The following ANGPT1 variants were observed in gnomAD, a reference collection of about 807,000 sequenced individuals.
ANGPT1 encodes angiopoietin-1.
ANGPT1 carries 17 observed loss-of-function variants against 62.2 expected under a neutral mutation model. That is an observed-to-expected ratio of 0.27 (90% CI 0.19 to 0.41). The LOEUF is 0.41. Among genes scored for constraint, ANGPT1 ranks in the 10% least tolerant of loss-of-function variants. The pLI, the probability that ANGPT1 is intolerant of heterozygous loss-of-function variation, is 1.00. For missense variants in ANGPT1, 478 were observed against 594.9 expected (o/e 0.80, Z 2.04); for synonymous variants, 199 against 198.9 (o/e 1.00, Z 0.00).
At chr8:107,339,977 T>G (rs908602859) in intron 2 of ANGPT1, among the ~76,000 whole-genome samples, 1 of 152,180 alleles carries the variant, frequency 6.6e-6, no homozygotes, top group Admixed American at 6.5e-5. Context: ...CAATCCCTCC[T>G]CTTCTTTCCC....
intron 6 of ANGPT1, 146 bp from the exon 7 acceptor site, chr8:107,284,994 T>C (rs1056498761): frequency 1.6e-5 from 9 of 567,782 alleles, no homozygotes; most frequent in Admixed American, 7.8e-5. Context: ...TCTCCAGTGA[T>C]TGACATTTCA....
intron 1 of ANGPT1, among the ~76,000 whole-genome samples, chr8:107,408,174 C>T (rs1817188435): frequency 6.6e-6 from 1 of 152,136 alleles, no homozygotes; most frequent in Non-Finnish European, 1.5e-5. Flanking sequence ...TGTGGTATTA[C>T]AATAACAATA....
At chr8:107,356,473 G>A (rs918890723) in intron 1 of ANGPT1, among the ~76,000 whole-genome samples, 1 of 152,146 alleles carries the variant, frequency 6.6e-6, no homozygotes, top group Non-Finnish European at 1.5e-5. Context: ...CTCAACGAGA[G>A]AATCTAATAA....
At position 107,370,365 on chromosome 8, in the gene ANGPT1, AAAG is replaced by A. The variant is rs1563590981; in HGVS notation, c.298-23271_298-23269del. Among the ~76,000 whole-genome samples the A allele has an allele frequency of 2.5e-4, 8 of 32,574 alleles. 3 individuals carry two copies. Among genetic ancestry groups the A allele is most frequent in the Non-Finnish European group, 6.9e-4 (6 of 8,652 alleles). The allele number at this position is 32,574 out of a possible 152,430, so 21.4% of individuals were successfully genotyped here. On this transcript the variant is annotated intron_variant, in intron 1 of 8. Coordinates refer to ENST00000517746, the MANE Select transcript of ANGPT1 (RefSeq NM_001146.5). ...AAAAGAAAGAAAGAAAGAAAGAAAG[AAAG>A]AAAGAAAGAAAGAAAGAAAGAAAGA...
intron 3 of ANGPT1, among the ~76,000 whole-genome samples, chr8:107,323,036 A>G (rs1815192912): frequency 6.6e-6 from 1 of 151,990 alleles, no homozygotes; most frequent in African/African-American, 2.4e-5. Flanking sequence ...CAAAAGGAAG[A>G]CTCCCTTTGG....
chr8:107,384,905 G>T (rs1182317663), intron 1 of ANGPT1, among the ~76,000 whole-genome samples: 3 of 152,036 alleles, frequency 2.0e-5, no homozygotes, highest in South Asian at 2.1e-4. Context: ...GTTTTTGTTG[G>T]TTTTGTCAAA....
intron 4 of ANGPT1, 56 bp from the exon 5 acceptor site, chr8:107,303,423 A>G: frequency 6.9e-7 from 1 of 1,439,008 alleles, no homozygotes. Context: ...ATTAGTAGCC[A>G]AACTGACTCC....
At chr8:107,471,415 G>A (rs918261576) in intron 1 of ANGPT1, among the ~76,000 whole-genome samples, 2 of 152,024 alleles carry the variant, frequency 1.3e-5, no homozygotes, top group African/African-American at 2.4e-5. Context: ...GCTGTGGGGG[G>A]ACTAGGGGAG....
chr8:107,433,756 T>A (rs1283681), intron 1 of ANGPT1, among the ~76,000 whole-genome samples: 245 of 152,108 alleles, frequency 1.6e-3, no homozygotes, highest in African/African-American at 5.6e-3. Flanking sequence ...TCAATAGATA[T>A]CTGTGTAAAA....
rs997752499 is a variant in ANGPT1 at position 107,497,791 on chromosome 8, A to G, written c.-233T>C. 5.1e-6 allele frequency: 3 copies of G among 586,020 alleles called. No individual in the cohort carries two copies. The allele number at this position is 586,020 out of a possible 1,614,324, so 36.3% of individuals were successfully genotyped here. A position where few individuals can be genotyped will look rare whatever the true frequency, so the allele number is the denominator to read the frequency against. ...GTTTTTCTTCGTTAAAACTTGAGAT[A>G]TTTATTGCATAGTAGCTGAGATTTA... On this transcript the variant is annotated 5_prime_UTR_variant, in exon 1 of 9. Coordinates refer to ENST00000517746, the MANE Select transcript of ANGPT1 (RefSeq NM_001146.5).
rs192756301 is a variant in ANGPT1, at chr8:107,340,813, T to C, written c.454-4542A>G. On this transcript the variant is annotated intron_variant, in intron 2 of 8. Transcript: ENST00000517746. The stretch of plus-strand genomic sequence containing the variant: ...CTGGCCAAAAATCTCTTTCAACGAC[T>C]CATTAACTTTGAAATAGGCCCTGTT... Among the ~76,000 whole-genome samples, 779 of 152,230 alleles carry C rather than the reference T, an allele frequency of 5.1e-3. 4 individuals are homozygous for C. Among genetic ancestry groups the C allele is most frequent in the Non-Finnish European group, 8.2e-3 (558 of 68,004 alleles).
intron 1 of ANGPT1, among the ~76,000 whole-genome samples, chr8:107,370,371 A>AAAAGAAAGAAAGAAAGAAAGAAG: frequency 2.9e-5 from 1 of 34,774 alleles, no homozygotes; most frequent in Non-Finnish European, 1.1e-4. Flanking sequence ...AAAGAAAGAA[A>AAAAGAAAGAAAGAAAGAAAGAAG]GAAAGAAAGA....
At chr8:107,442,646 G>A (rs567177399) in intron 1 of ANGPT1, among the ~76,000 whole-genome samples, 40 of 152,242 alleles carry the variant, frequency 2.6e-4, no homozygotes, top group African/African-American at 8.7e-4. Flanking sequence ...CCCTAACTCC[G>A]TATCTTCTAC....
intron 1 of ANGPT1, among the ~76,000 whole-genome samples, chr8:107,473,157 A>G (rs991606152): frequency 1.3e-5 from 2 of 152,078 alleles, no homozygotes; most frequent in African/African-American, 2.4e-5. Flanking sequence ...TTGCTTAAAT[A>G]TCCACATGGT....
chr8:107,464,935 G>A (rs1812164255), intron 1 of ANGPT1, among the ~76,000 whole-genome samples: 1 of 152,046 alleles, frequency 6.6e-6, no homozygotes, highest in Admixed American at 6.6e-5. Flanking sequence ...AACACATGGG[G>A]GGATCAAGAA....
chr8:107,418,503 A>G (rs975199436), intron 1 of ANGPT1, among the ~76,000 whole-genome samples: 1 of 152,210 alleles, frequency 6.6e-6, no homozygotes, highest in Non-Finnish European at 1.5e-5. Flanking sequence ...ATGATGAGAC[A>G]TGCAGCTAAT....
Position 107,493,642 on chromosome 8 carries a change from G to C in ANGPT1, c.297+3620C>G, listed in dbSNP as rs1362220068. 2.0e-5 allele frequency among the ~76,000 whole-genome samples: 3 copies of C among 150,348 alleles called. 1 individual carries two copies. The highest frequency in any genetic ancestry group is 7.3e-5 in the African/African-American group (3 of 40,846). On this transcript the variant is annotated intron_variant, in intron 1 of 8. Coordinates refer to ENST00000517746, the MANE Select transcript of ANGPT1 (RefSeq NM_001146.5). ...TGCTGACAGTAGACAGTAAAGTGCAGAATGCAATAGATAATGCATTCATTT... is the reference window on the plus strand; with the variant it reads ...TGCTGACAGTAGACAGTAAAGTGCACAATGCAATAGATAATGCATTCATTT...
At chr8:107,478,250 C>CAAA (rs546300255) in intron 1 of ANGPT1, among the ~76,000 whole-genome samples, 3 of 140,492 alleles carry the variant, frequency 2.1e-5, no homozygotes, top group African/African-American at 7.8e-5. Flanking sequence ...TATACCTATT[C>CAAA]AAAAAAAAAA....
intron 8 of ANGPT1, among the ~76,000 whole-genome samples, chr8:107,257,859 G>A (rs1472486082): frequency 1.5e-5 from 2 of 132,714 alleles, no homozygotes; most frequent in Non-Finnish European, 3.2e-5. Context: ...TCCTCTTCAG[G>A]CCAAGGACTT....
Sources: gnomAD v4.1 joint callset for allele counts (sites outside exome capture counted in the v4.1 genomes callset) on GRCh38, gnomAD v4.1.1 for gene constraint, MANE v1.5 for transcripts, NCBI Gene and HGNC (gene_info 2026-07-23, HGNC 2026-07-21) for gene names.